Variants in PDE4D observed in about 807,000 individuals in gnomAD.
PDE4D encodes phosphodiesterase 4D.
In PDE4D, 24 loss-of-function variants were observed where a neutral mutation model predicts 87.4. The observed-to-expected ratio is 0.27, with a 90% CI of 0.20 to 0.39. The LOEUF is 0.39. Ranked by LOEUF, PDE4D falls within the 10% of genes least tolerant of loss-of-function variation. The pLI is 1.00. For synonymous variants in PDE4D, 384 were observed against 383.2 expected (o/e 1.00, Z -0.02); for missense variants, 714 against 1,041.0 (o/e 0.69, Z 4.32).
chr5:60,114,658 G>A (rs150074314), intron 2 of PDE4D, among the ~76,000 whole-genome samples: 1 of 152,046 alleles, frequency 6.6e-6, no homozygotes, highest in African/African-American at 2.4e-5. Context: ...GCCCCAAAAT[G>A]CTTTGCTTTA....
intron 1 of PDE4D, among the ~76,000 whole-genome samples, chr5:59,613,906 G>T (rs545644656): frequency 6.6e-6 from 1 of 151,970 alleles, no homozygotes; most frequent in African/African-American, 2.4e-5. Context: ...TAAGACTGCC[G>T]TTAAATTAAT....
At chr5:59,119,849 T>C (rs57038317) in intron 5 of PDE4D, among the ~76,000 whole-genome samples, 35,485 of 152,128 alleles carry the variant, frequency 0.23, 4,982 homozygotes, top group Non-Finnish European at 0.32. Flanking sequence ...TTTTTCTGTG[T>C]GTCATTGCTT....
intron 5 of PDE4D, among the ~76,000 whole-genome samples, chr5:59,139,046 G>C (rs148440283): frequency 6.6e-6 from 1 of 152,110 alleles, no homozygotes; most frequent in Non-Finnish European, 1.5e-5. Context: ...AACAATATAC[G>C]CAAAAGTTAC....
intron 1 of PDE4D, among the ~76,000 whole-genome samples, chr5:59,673,224 A>G (rs945333936): frequency 6.6e-6 from 1 of 152,158 alleles, no homozygotes; most frequent in Non-Finnish European, 1.5e-5. Context: ...GCAGAATGCA[A>G]TTTATCTTCT....
rs184137194 is a variant in PDE4D at position 59,381,257 on chromosome 5, C to T, written c.456-165289G>A. Among the ~76,000 whole-genome samples, 663 of 152,184 alleles carry T rather than the reference C, an allele frequency of 4.4e-3. 7 individuals carry two copies. Among genetic ancestry groups the T allele is most frequent in the African/African-American group, 0.015 (633 of 41,516 alleles). On this transcript the variant is annotated intron_variant, in intron 1 of 14. Coordinates refer to ENST00000340635, the MANE Select transcript of PDE4D (RefSeq NM_001104631.2). ...TTTTATTTTTCTAATATTTACTTAGCTTGATAATATCAACTCCGTTCTGAT... is the reference window on the plus strand; with the variant it reads ...TTTTATTTTTCTAATATTTACTTAGTTTGATAATATCAACTCCGTTCTGAT...
intron 1 of PDE4D, among the ~76,000 whole-genome samples, chr5:59,293,413 G>A (rs1161538522): frequency 1.3e-5 from 2 of 152,076 alleles, no homozygotes; most frequent in Admixed American, 1.3e-4. Flanking sequence ...CAGAGATGTA[G>A]TTTTGAACAG....
At chr5:60,343,859 C>T (rs1174397707) in intron 1 of PDE4D, among the ~76,000 whole-genome samples, 1 of 152,060 alleles carries the variant, frequency 6.6e-6, no homozygotes, top group Non-Finnish European at 1.5e-5. Flanking sequence ...ATGCTTCCTG[C>T]TATTGCTAAT....
At chr5:59,031,392 T>TATATTATA (rs1431074293) in intron 6 of PDE4D, among the ~76,000 whole-genome samples, 1 of 34,284 alleles carries the variant, frequency 2.9e-5, no homozygotes, top group Non-Finnish European at 5.1e-5. Flanking sequence ...TATATATATA[T>TATATTATA]TATATATATA....
chr5:59,626,327 A>G (rs1412222981), intron 1 of PDE4D, among the ~76,000 whole-genome samples: 9 of 152,374 alleles, frequency 5.9e-5, no homozygotes, highest in African/African-American at 2.2e-4. Context: ...GTTTATGTGT[A>G]TATCAAAACA....
rs112195734 is a variant in PDE4D at position 59,439,777 on chromosome 5, T to G, written c.456-223809A>C. 7.2e-5 allele frequency among the ~76,000 whole-genome samples: 11 copies of G among 152,244 alleles called. 2 individuals carry two copies. The highest frequency in any genetic ancestry group is 2.6e-4 in the African/African-American group (11 of 41,544). On this transcript the variant is annotated intron_variant, in intron 1 of 14. Coordinates refer to ENST00000340635, the MANE Select transcript of PDE4D (RefSeq NM_001104631.2). ...CCTTGGGGTTGGGATATAGGGGACATAGGATGACTGAGAGGCTGGTCTTCC... is the reference window on the plus strand; with the variant it reads ...CCTTGGGGTTGGGATATAGGGGACAGAGGATGACTGAGAGGCTGGTCTTCC...
chr5:59,230,076 C>T (rs556336127), intron 1 of PDE4D, among the ~76,000 whole-genome samples: 3 of 152,264 alleles, frequency 2.0e-5, no homozygotes, highest in East Asian at 1.9e-4. Context: ...CGTGAGCCAC[C>T]GTACCCAGCT....
intron 2 of PDE4D, among the ~76,000 whole-genome samples, chr5:60,140,979 G>GC (rs1211029559): frequency 6.6e-6 from 1 of 152,174 alleles, no homozygotes; most frequent in African/African-American, 2.4e-5. Context: ...AGGCAACTAA[G>GC]CCCCTTGCGG....
At chr5:60,036,596 T>C (rs1562006059) in intron 2 of PDE4D, among the ~76,000 whole-genome samples, 2 of 152,184 alleles carry the variant, frequency 1.3e-5, no homozygotes, top group Non-Finnish European at 2.9e-5. Flanking sequence ...TAAAAGAATA[T>C]TAGGGAATTC....
intron 2 of PDE4D, among the ~76,000 whole-genome samples, chr5:60,008,092 C>T (rs1057431117): frequency 4.0e-5 from 6 of 151,032 alleles, no homozygotes; most frequent in African/African-American, 1.5e-4. Context: ...AATATGTTTT[C>T]TTATTATTAA....
chr5:60,298,330 T>C (rs1298473292), intron 1 of PDE4D, among the ~76,000 whole-genome samples: 1 of 152,192 alleles, frequency 6.6e-6, no homozygotes, highest in African/African-American at 2.4e-5. Context: ...CATAGCCATT[T>C]GGAAGAGAAA....
intron 2 of PDE4D, among the ~76,000 whole-genome samples, chr5:60,061,410 C>T (rs1371135972): frequency 2.6e-5 from 4 of 152,056 alleles, no homozygotes; most frequent in Admixed American, 6.5e-5. Context: ...AACTACAAAC[C>T]ACTGCTCAAG....
At chr5:60,007,801 C>A (rs895867622) in intron 2 of PDE4D, among the ~76,000 whole-genome samples, 1 of 151,934 alleles carries the variant, frequency 6.6e-6, no homozygotes, top group Non-Finnish European at 1.5e-5. Flanking sequence ...ATGAAATCTA[C>A]AAATATTTAA....
chr5:59,686,518 T>C (rs2150383100), intron 1 of PDE4D, among the ~76,000 whole-genome samples: 1 of 152,298 alleles, frequency 6.6e-6, no homozygotes, highest in East Asian at 1.9e-4. Flanking sequence ...ACCAGTACTT[T>C]GTTAAATAAT....
intron 1 of PDE4D, among the ~76,000 whole-genome samples, chr5:59,659,231 G>C (rs1744856989): frequency 6.6e-6 from 1 of 152,178 alleles, no homozygotes; most frequent in African/African-American, 2.4e-5. Context: ...CAAACTTACT[G>C]GTTCTGCATC....
Sources: allele counts gnomAD v4.1 joint callset (sites outside exome capture counted in the v4.1 genomes callset), GRCh38; gene constraint gnomAD v4.1.1; transcripts MANE v1.5; gene names NCBI Gene and HGNC (gene_info 2026-07-23, HGNC 2026-07-21).